The following PCDHGB1 variants were observed in gnomAD, a reference collection of about 807,000 sequenced individuals.
The protein encoded by PCDHGB1 is protocadherin gamma subfamily B, 1, also known as protocadherin gamma-B1.
In PCDHGB1, 34 loss-of-function variants were observed where a neutral mutation model predicts 56.6. That is an observed-to-expected ratio of 0.60 (90% CI 0.46 to 0.80). The LOEUF (loss-of-function observed/expected upper bound fraction) is 0.80. Among genes scored for constraint, PCDHGB1 ranks in the 30% least tolerant of loss-of-function variants. PCDHGB1 has a pLI of 0.00. For missense variants in PCDHGB1, 1,278 were observed against 1,204.6 expected, an observed-to-expected ratio of 1.06 and a Z score of -0.90; for synonymous variants, 561 against 505.9, an observed-to-expected ratio of 1.11 and a Z score of -1.46.
At chr5:141,423,341 TC>T (rs767448191) in intron 1 of PCDHGB1, 181 of 1,614,176 alleles carry the variant, frequency 1.1e-4, no homozygotes, top group Admixed American at 2.7e-4. Context: ...TCCTGCATCT[TC>T]CTGGTCTTTG....
At position 141,402,836 on chromosome 5, in the gene PCDHGB1, A is replaced by G. The variant is rs115293033; in HGVS notation, c.2409+50167A>G. 4.8e-4 allele frequency: 668 copies of G among 1,379,778 alleles called. 2 individuals are homozygous for G. The African/African-American group carries it at 8.5e-3, about 18-fold the overall frequency. 85.5% of individuals were successfully genotyped at this position (1,379,778 alleles called of 1,614,324 possible). On this transcript the variant is annotated intron_variant, in intron 1 of 3. Coordinates refer to ENST00000523390, the MANE Select transcript of PCDHGB1 (RefSeq NM_018922.3). ...ACAAACCTGCTCCCAGGCTGCAGCA[A>G]AACTCAGCCTCTTTCTTCTAAGGAA...
At chr5:141,403,102 G>T (rs765706858) in intron 1 of PCDHGB1, 1 of 1,614,046 alleles carries the variant, frequency 6.2e-7, no homozygotes, top group Admixed American at 1.7e-5. Context: ...ACATCTCCAA[G>T]GACCTGGCTC....
At chr5:141,394,376 C>G (rs1407081878) in intron 1 of PCDHGB1, 29 of 1,614,222 alleles carry the variant, frequency 1.8e-5, no homozygotes, top group Non-Finnish European at 2.5e-5. Flanking sequence ...AATCTTTCGA[C>G]TATGAGCAGA....
intron 1 of PCDHGB1, among the ~76,000 whole-genome samples, chr5:141,407,130 T>C (rs1218017139): frequency 1.3e-5 from 2 of 152,230 alleles, no homozygotes; most frequent in Non-Finnish European, 2.9e-5. Flanking sequence ...TTGCTTTATT[T>C]TTAAGAAAAA....
intron 1 of PCDHGB1, chr5:141,403,162 T>C (rs745617954): frequency 9.3e-6 from 15 of 1,613,862 alleles, no homozygotes; most frequent in African/African-American, 2.7e-5. Flanking sequence ...TCTCTAGAGG[T>C]AGGACGCAGC....
chr5:141,486,012 A>C lies in PCDHGB1; in HGVS notation c.2410-8795A>C. The C allele has an allele frequency of 1.9e-6, 3 of 1,614,064 alleles. No homozygotes were observed. The highest frequency in any genetic ancestry group is 2.5e-6 in the Non-Finnish European group (3 of 1,179,984). On this transcript the variant is annotated intron_variant, in intron 1 of 3. Coordinates refer to ENST00000523390, the MANE Select transcript of PCDHGB1 (RefSeq NM_018922.3). The surrounding 1 kb of genome is among the most constrained non-coding windows in gnomAD (Gnocchi z 5.0). ...GGTCCCAGTGGTAACGTCACCTTTT[A>C]TTTCAGTGGTCATACCCCTGATCGT...
intron 1 of PCDHGB1, among the ~76,000 whole-genome samples, chr5:141,458,079 C>G (rs1016889225): frequency 6.6e-6 from 1 of 152,186 alleles, no homozygotes; most frequent in Non-Finnish European, 1.5e-5. Context: ...AACTATATTG[C>G]CGTAAGTTAA....
Position 141,511,315 on chromosome 5 carries a change from G to A in PCDHGB1, c.*142G>A. ...AAGGCCATGCTCCCCTTGGGAAACA[G>A]AAACAAGTGCCCAGTCAGCACCTAC... On this transcript the variant is annotated 3_prime_UTR_variant, in exon 4 of 4. Coordinates refer to ENST00000523390, the MANE Select transcript of PCDHGB1 (RefSeq NM_018922.3). 6.8e-7 allele frequency: 1 copy of A among 1,481,384 alleles called. No individual in the cohort carries two copies. Among genetic ancestry groups the A allele is most frequent in the Non-Finnish European group, 9.0e-7 (1 of 1,110,974 alleles). 91.8% of individuals were successfully genotyped at this position (1,481,384 alleles called of 1,614,324 possible).
chr5:141,403,202 T>A, intron 1 of PCDHGB1: 4 of 1,613,984 alleles, frequency 2.5e-6, no homozygotes, highest in Non-Finnish European at 3.4e-6. Context: ...CAGCGGCACC[T>A]TGGTCACCGC....
At chr5:141,423,177 C>T (rs748689237) in intron 1 of PCDHGB1, 3 of 1,613,430 alleles carry the variant, frequency 1.9e-6, no homozygotes, top group Non-Finnish European at 2.5e-6. Context: ...TCCAGGACCA[C>T]GGCCAGCCCC....
chr5:141,398,266 G>C, intron 1 of PCDHGB1: 1 of 1,439,368 alleles, frequency 6.9e-7, no homozygotes, highest in Non-Finnish European at 9.5e-7. Flanking sequence ...GGGCTCCGTA[G>C]TGGGGAACCT....
intron 2 of PCDHGB1, among the ~76,000 whole-genome samples, chr5:141,497,540 C>CTT (rs754207034): frequency 2.8e-4 from 38 of 134,912 alleles, no homozygotes; most frequent in African/African-American, 8.9e-4. Context: ...TGCAACAAAC[C>CTT]TTTTTTTTTT....
Position 141,410,173 on chromosome 5 carries a change from C to G in PCDHGB1, c.2409+57504C>G, listed in dbSNP as rs544938164. ...GTGGACAGCCGCCACTCTCTGCCACCGCCACGCTTCATCTGGTCTTCGCAG... is the reference window on the plus strand; with the variant it reads ...GTGGACAGCCGCCACTCTCTGCCACGGCCACGCTTCATCTGGTCTTCGCAG... On this transcript the variant is annotated intron_variant, in intron 1 of 3. Coordinates refer to ENST00000523390, the MANE Select transcript of PCDHGB1 (RefSeq NM_018922.3). The G allele has an allele frequency of 6.2e-6, 10 of 1,613,842 alleles. No individual in the cohort carries two copies. The African/African-American group carries it at 9.3e-5, about 15-fold the overall frequency.
At chr5:141,501,329 ACACACC>A (rs1456568693) in intron 2 of PCDHGB1, among the ~76,000 whole-genome samples, 16 of 148,226 alleles carry the variant, frequency 1.1e-4, no homozygotes, top group Non-Finnish European at 2.2e-4. Context: ...ACACACACAC[ACACACC>A]CCAAACTCAA....
At chr5:141,418,935 A>T (rs1424307952) in intron 1 of PCDHGB1, 2 of 1,613,834 alleles carry the variant, frequency 1.2e-6, no homozygotes, top group Admixed American at 3.3e-5. Context: ...ATTATGGAGG[A>T]TTCCCCTCCA....
chr5:141,356,038 T>C, intron 1 of PCDHGB1: 1 of 1,613,970 alleles, frequency 6.2e-7, no homozygotes, highest in Non-Finnish European at 8.5e-7. Flanking sequence ...CGTGACGTAT[T>C]CTTTCCGGAA....
intron 1 of PCDHGB1, chr5:141,383,924 A>G: frequency 1.2e-6 from 2 of 1,613,950 alleles, no homozygotes; most frequent in Non-Finnish European, 1.7e-6. Context: ...GATGTAAATG[A>G]TAATGCTCCA....
chr5:141,475,547 G>A (rs2099364977), intron 1 of PCDHGB1, among the ~76,000 whole-genome samples: 1 of 152,176 alleles, frequency 6.6e-6, no homozygotes, highest in Non-Finnish European at 1.5e-5. Context: ...AGTAGGGTCC[G>A]GCTAATTGTC....
At chr5:141,419,114 A>G in intron 1 of PCDHGB1, 1 of 1,613,926 alleles carries the variant, frequency 6.2e-7, no homozygotes. Flanking sequence ...CCCAGAGTAC[A>G]ACGTCACCAT....
Sources: gnomAD v4.1 joint callset for allele counts (sites outside exome capture counted in the v4.1 genomes callset) on GRCh38, gnomAD v4.1.1 for gene constraint, Gnocchi (gnomAD v3.1) non-coding constraint, MANE v1.5 for transcripts, NCBI Gene and HGNC (gene_info 2026-07-23, HGNC 2026-07-21) for gene names.